ASIC2: variants seen among roughly 807,000 people sequenced by gnomAD.
ASIC2 encodes the protein acid-sensing ion channel 2.
Under a neutral mutation model 57.3 loss-of-function variants are expected in ASIC2, and 25 were observed. The observed-to-expected ratio is 0.44, with a 90% CI of 0.32 to 0.61. The LOEUF (loss-of-function observed/expected upper bound fraction) is 0.61, where lower values mean the gene tolerates loss of function less well. ASIC2 is among the 20% of genes least tolerant of loss of function. The pLI is 0.06. For missense variants in ASIC2, 641 were observed against 738.1 expected, an observed-to-expected ratio of 0.87 and a Z score of 1.52; for synonymous variants, 319 against 307.5, an observed-to-expected ratio of 1.04 and a Z score of -0.39.
At chr17:33,128,191 A>C (rs2092331675) in intron 1 of ASIC2, among the ~76,000 whole-genome samples, 1 of 152,174 alleles carries the variant, frequency 6.6e-6, no homozygotes, top group Admixed American at 6.5e-5. Flanking sequence ...CTTTGCCAGC[A>C]CCCTGTGCTC....
chr17:33,852,416 T>A (rs1913794289), intron 1 of ASIC2, among the ~76,000 whole-genome samples: 1 of 152,166 alleles, frequency 6.6e-6, no homozygotes, highest in Non-Finnish European at 1.5e-5. Context: ...CTTCAGGTCC[T>A]CTCTGTGGGG....
intron 1 of ASIC2, among the ~76,000 whole-genome samples, chr17:33,166,764 C>A (rs1369016698): frequency 7.9e-5 from 12 of 152,258 alleles, no homozygotes; most frequent in South Asian, 2.1e-4. Flanking sequence ...CACTGCACTG[C>A]AGGAACCGAA....
intron 1 of ASIC2, among the ~76,000 whole-genome samples, chr17:33,414,535 C>G (rs915547546): frequency 2.6e-5 from 4 of 152,120 alleles, no homozygotes; most frequent in Admixed American, 2.0e-4. Flanking sequence ...TGGGCTTTAC[C>G]TGGACCTCTC....
intron 1 of ASIC2, among the ~76,000 whole-genome samples, chr17:34,098,240 C>T (rs1409333651): frequency 6.6e-6 from 1 of 152,156 alleles, no homozygotes; most frequent in Non-Finnish European, 1.5e-5. Context: ...CCCCTAGGTA[C>T]TCACTTATTT....
chr17:33,293,403 C>T (rs1905591990), upstream of ASIC2, among the ~76,000 whole-genome samples: 1 of 151,716 alleles, frequency 6.6e-6, no homozygotes, highest in African/African-American at 2.4e-5. Context: ...ACTGTGGCCG[C>T]TGCACACCGA....
At position 33,876,430 on chromosome 17, in the gene ASIC2, T is replaced by C. The variant is rs1914547660; in HGVS notation, c.555+279548A>G. Among the ~76,000 whole-genome samples, 3 of 152,194 alleles carry C rather than the reference T, an allele frequency of 2.0e-5. No homozygotes were observed. In the South Asian group the frequency reaches 6.2e-4, roughly 32 times the overall value. ...CCCTTTGAAACCACAATATCTACGATTGAGCAAATGTTTTAAAAATAACTC... is the reference window on the plus strand; with the variant it reads ...CCCTTTGAAACCACAATATCTACGACTGAGCAAATGTTTTAAAAATAACTC... On this transcript the variant is annotated intron_variant, in intron 1 of 9. Transcript: ENST00000359872.
chr17:33,547,867 C>A (rs1399864558), intron 1 of ASIC2, among the ~76,000 whole-genome samples: 1 of 152,196 alleles, frequency 6.6e-6, no homozygotes, highest in Non-Finnish European at 1.5e-5. Flanking sequence ...ACTGCCCAGG[C>A]ACACAGTAGG....
chr17:34,002,733 C>A (rs1257289098), intron 1 of ASIC2: 1 of 152,158 alleles, frequency 6.6e-6, no homozygotes, highest in Non-Finnish European at 1.5e-5. Context: ...ATTCATTATT[C>A]CTAGTGAATA....
Position 33,909,386 on chromosome 17 carries a change from C to T in ASIC2, c.555+246592G>A, listed in dbSNP as rs116953637. Reference sequence around the variant, plus strand: ...AAAAGAAGCAATTTAAGCATTTTGGCTTCCTGGGGTGAGTTGGCAGGCACA... The same window carrying T: ...AAAAGAAGCAATTTAAGCATTTTGGTTTCCTGGGGTGAGTTGGCAGGCACA... On this transcript the variant is annotated intron_variant, in intron 1 of 9. Coordinates refer to the ASIC2 transcript ENST00000359872. Among the ~76,000 whole-genome samples, 90 of 152,360 alleles carry T rather than the reference C, an allele frequency of 5.9e-4. 1 individual carries two copies. Among genetic ancestry groups the T allele is most frequent in the Non-Finnish European group, 9.4e-4 (64 of 68,038 alleles).
At chr17:33,488,041 G>C (rs1913631132) in intron 1 of ASIC2, among the ~76,000 whole-genome samples, 1 of 152,140 alleles carries the variant, frequency 6.6e-6, no homozygotes. Context: ...TATATACATA[G>C]ATCCTATTAA....
At chr17:33,403,022 G>A (rs557887070) in intron 1 of ASIC2, among the ~76,000 whole-genome samples, 6 of 152,284 alleles carry the variant, frequency 3.9e-5, no homozygotes, top group East Asian at 3.9e-4. Context: ...GGGATCAATC[G>A]TGACTTTGTA....
chr17:33,278,802 C>G (rs562654267), intron 1 of ASIC2, among the ~76,000 whole-genome samples: 170 of 151,684 alleles, frequency 1.1e-3, no homozygotes, highest in African/African-American at 3.9e-3. Flanking sequence ...TTCGACAATT[C>G]AATATTCAGA....
rs1191049680 is a variant in ASIC2 at position 33,438,192 on chromosome 17, CA to C, written c.556-326126del. 1.1e-4 allele frequency among the ~76,000 whole-genome samples: 16 copies of C among 152,280 alleles called. No homozygotes were observed. The East Asian group carries it at 1.4e-3, about 13-fold the overall frequency. On this transcript the variant is annotated intron_variant, in intron 1 of 9. Coordinates refer to the ASIC2 transcript ENST00000359872. ...CAGGGTAATTGTGATATTTTCACCA[CA>C]AAAAGACTCTTCCCTTTAAAGAAGG...
intron 7 of ASIC2, among the ~76,000 whole-genome samples, chr17:33,019,835 T>A (rs1441128433): frequency 6.6e-6 from 1 of 151,598 alleles, no homozygotes; most frequent in African/African-American, 2.4e-5. Context: ...GAGAGGGATC[T>A]GTGTGAGAGA....
intron 1 of ASIC2, among the ~76,000 whole-genome samples, chr17:33,779,414 C>T (rs879571252): frequency 6.6e-6 from 1 of 152,178 alleles, no homozygotes; most frequent in Non-Finnish European, 1.5e-5. Context: ...ATCATCCCGG[C>T]TCAGCAAAAG....
chr17:33,611,817 G>C (rs1035580921), intron 1 of ASIC2, among the ~76,000 whole-genome samples: 10 of 152,240 alleles, frequency 6.6e-5, no homozygotes, highest in African/African-American at 1.9e-4. Flanking sequence ...ATATTCTCTG[G>C]TTGCTCTAGT....
At chr17:33,563,620 T>G (rs1916143748) in intron 1 of ASIC2, among the ~76,000 whole-genome samples, 1 of 152,116 alleles carries the variant, frequency 6.6e-6, no homozygotes, top group African/African-American at 2.4e-5. Context: ...ACTTCTGGAG[T>G]GCATCAGGCT....
At chr17:33,454,720 G>A (rs139003350) in intron 1 of ASIC2, among the ~76,000 whole-genome samples, 2 of 152,274 alleles carry the variant, frequency 1.3e-5, no homozygotes, top group South Asian at 2.1e-4. Context: ...CACAGTTCTG[G>A]AGGCTGAGAA....
intron 1 of ASIC2, among the ~76,000 whole-genome samples, chr17:33,482,265 G>A (rs750550570): frequency 2.0e-5 from 3 of 152,174 alleles, no homozygotes; most frequent in Non-Finnish European, 4.4e-5. Context: ...GTACACTCTG[G>A]TCTACTGCAG....
Sources: gnomAD v4.1 joint callset for allele counts (sites outside exome capture counted in the v4.1 genomes callset) on GRCh38, gnomAD v4.1.1 for gene constraint, MANE v1.5 for transcripts, NCBI Gene and HGNC (gene_info 2026-07-23, HGNC 2026-07-21) for gene names.